Variants in SLC14A2 observed in about 807,000 individuals in gnomAD.
SLC14A2 encodes the protein urea transporter 2.
In SLC14A2, 91 loss-of-function variants were observed where a neutral mutation model predicts 104.6. That is an observed-to-expected ratio of 0.87 (90% CI 0.73 to 1.04). The LOEUF (loss-of-function observed/expected upper bound fraction) is 1.04, where lower values mean the gene tolerates loss of function less well. Ranked by LOEUF, SLC14A2 falls within the 50% of genes least tolerant of loss-of-function variation. The pLI is 0.00. For synonymous variants in SLC14A2, 476 were observed against 466.4 expected (o/e 1.02, Z -0.27); for missense variants, 1,189 against 1,156.0 (o/e 1.03, Z -0.41).
At chr18:45,198,350 A>G in the SLC14A2 span, among the ~76,000 whole-genome samples, 1 of 152,076 alleles carries the variant, frequency 6.6e-6, no homozygotes, top group Non-Finnish European at 1.5e-5. Flanking sequence ...CCAATACTCA[A>G]CCACTATCAT....
At chr18:45,517,236 C>G (rs977524959) in intron 2 of SLC14A2, among the ~76,000 whole-genome samples, 5 of 152,198 alleles carry the variant, frequency 3.3e-5, no homozygotes, top group Admixed American at 2.6e-4. Context: ...CTGCCTGAGT[C>G]AGCAGCAGGG....
chr18:45,176,869 C>T, the SLC14A2 span, among the ~76,000 whole-genome samples: 6 of 152,280 alleles, frequency 3.9e-5, no homozygotes, highest in East Asian at 1.2e-3. Flanking sequence ...GTCCATTTGC[C>T]AAAGACTCAC....
At chr18:45,457,689 A>G (rs1368767119) in intron 1 of SLC14A2, among the ~76,000 whole-genome samples, 1 of 10,056 alleles carries the variant, frequency 9.9e-5, no homozygotes, top group Non-Finnish European at 5.2e-4. Context: ...ATGGAGGTTA[A>G]AAAAAAAAAA....
intron 1 of SLC14A2, among the ~76,000 whole-genome samples, chr18:45,361,568 G>C (rs1054286966): frequency 6.6e-6 from 1 of 152,096 alleles, no homozygotes; most frequent in African/African-American, 2.4e-5. Context: ...AAAACTTCTG[G>C]GCTTGGCAGA....
At chr18:45,525,388 G>A (rs1430837465) in intron 2 of SLC14A2, among the ~76,000 whole-genome samples, 1 of 152,210 alleles carries the variant, frequency 6.6e-6, no homozygotes, top group East Asian at 1.9e-4. Flanking sequence ...GTGAATGACT[G>A]TAGTGCTGCT....
At chr18:45,389,280 T>G (rs1375187174) in intron 1 of SLC14A2, among the ~76,000 whole-genome samples, 1 of 152,228 alleles carries the variant, frequency 6.6e-6, no homozygotes, top group Non-Finnish European at 1.5e-5. Context: ...CTAAATTTGC[T>G]TATTGGTTTG....
chr18:45,437,425 G>GCAGA (rs2086614667), intron 1 of SLC14A2, among the ~76,000 whole-genome samples: 1 of 152,138 alleles, frequency 6.6e-6, no homozygotes, highest in South Asian at 2.1e-4. Context: ...CTTGTGGAGA[G>GCAGA]TCAGATGAGC....
chr18:45,258,076 G>A (rs929844535), intron 1 of SLC14A2, among the ~76,000 whole-genome samples: 1 of 152,106 alleles, frequency 6.6e-6, no homozygotes, highest in East Asian at 1.9e-4. Flanking sequence ...CTAGACCCCC[G>A]TTTCATTCTC....
In SLC14A2 at chr18:45,682,359, C is replaced by T. The variant is rs904167182; in HGVS notation, c.2603C>T (p.Ala868Val). Residue 868 changes from alanine (A) to valine (V), a missense_variant, in exon 20 of 20, where the codon GCT (alanine) becomes GTT (valine). Physicochemically the swap from Ala to Val is moderately conservative, Grantham distance 64. Transcript: ENST00000255226. ...TGCACTTGGCCCTTCTGTCTCTCAG[C>T]TCTCACCTTCCTGCTCCTGACGACC... ...PPCTWPFCLS[A>V]LTFLLLTTNN... 1 of 1,614,042 alleles carries T rather than the reference C, an allele frequency of 6.2e-7. No individual in the cohort carries two copies. The highest frequency in any genetic ancestry group is 8.5e-7 in the Non-Finnish European group (1 of 1,180,032).
intron 1 of SLC14A2, among the ~76,000 whole-genome samples, chr18:45,258,911 C>A (rs1049853987): frequency 6.6e-6 from 1 of 152,172 alleles, no homozygotes; most frequent in Non-Finnish European, 1.5e-5. Flanking sequence ...CCAGGCCTTG[C>A]ACTTCTCTCA....
chr18:45,399,813 A>G (rs184160890), intron 1 of SLC14A2, among the ~76,000 whole-genome samples: 1 of 152,220 alleles, frequency 6.6e-6, no homozygotes, highest in Non-Finnish European at 1.5e-5. Context: ...ATTCCTGGAG[A>G]GGAATTTGCA....
the SLC14A2 span, among the ~76,000 whole-genome samples, chr18:45,175,853 C>A: frequency 2.1e-4 from 32 of 152,162 alleles, no homozygotes; most frequent in Non-Finnish European, 4.1e-4. Context: ...GCTTGCTGTG[C>A]CCTTAATTGG....
intron 1 of SLC14A2, 132 bp from the exon 2 acceptor site, chr18:45,624,499 A>G: frequency 5.7e-6 from 3 of 528,084 alleles, no homozygotes; most frequent in Non-Finnish European, 9.8e-6. Flanking sequence ...TCAACTCTAC[A>G]GCACAAGCTG....
At chr18:45,666,294 G>A in intron 12 of SLC14A2, 75 bp downstream of exon 12, 1 of 997,740 alleles carries the variant, frequency 1.0e-6, no homozygotes, top group Non-Finnish European at 1.6e-6. Context: ...GGAGCTGAGA[G>A]CTGTAAACAA....
intron 1 of SLC14A2, among the ~76,000 whole-genome samples, chr18:45,621,989 C>A (rs749552766): frequency 6.6e-6 from 1 of 152,110 alleles, no homozygotes; most frequent in Non-Finnish European, 1.5e-5. Flanking sequence ...CAGCATGGGG[C>A]CTGGAGTCAT....
intron 2 of SLC14A2, among the ~76,000 whole-genome samples, chr18:45,495,215 G>A (rs896475017): frequency 2.8e-4 from 42 of 152,082 alleles, no homozygotes; most frequent in African/African-American, 9.7e-4. Context: ...GAGGAAGGAG[G>A]GATAAAAGTA....
chr18:45,449,003 G>T (rs537138339), intron 1 of SLC14A2, among the ~76,000 whole-genome samples: 1 of 152,152 alleles, frequency 6.6e-6, no homozygotes, highest in East Asian at 1.9e-4. Context: ...CATGTGGAGC[G>T]GACATAAGCA....
chr18:45,664,875 G>A (rs143698287), intron 11 of SLC14A2, among the ~76,000 whole-genome samples: 1 of 152,236 alleles, frequency 6.6e-6, no homozygotes, highest in Non-Finnish European at 1.5e-5. Context: ...AAGAGACCAC[G>A]GTTTGCCTCA....
chr18:45,430,968 C>T (rs2086505623), intron 1 of SLC14A2, among the ~76,000 whole-genome samples: 1 of 152,152 alleles, frequency 6.6e-6, no homozygotes, highest in African/African-American at 2.4e-5. Flanking sequence ...TGGTTGGGTG[C>T]TGATGACTTT....
Sources: gnomAD v4.1 joint callset for allele counts (sites outside exome capture counted in the v4.1 genomes callset) on GRCh38, gnomAD v4.1.1 for gene constraint, MANE v1.5 for transcripts, NCBI Gene and HGNC (gene_info 2026-07-23, HGNC 2026-07-21) for gene names.